PXT1: variants seen among roughly 807,000 people sequenced by gnomAD.
PXT1 encodes the protein peroxisomal testis enriched protein 1.
Under a neutral mutation model 11.0 loss-of-function variants are expected in PXT1, and 11 were observed. The observed-to-expected ratio is 1.00, with a 90% CI of 0.63 to 1.66. PXT1 has a LOEUF of 1.66. PXT1 is among the 40% of genes most tolerant of loss of function. The probability of loss-of-function intolerance (pLI) is 0.00; values close to 1 mark genes in which losing one functional copy is unlikely to be tolerated. For missense variants in PXT1, 141 were observed against 155.5 expected, an observed-to-expected ratio of 0.91 and a Z score of 0.49; for synonymous variants, 43 against 51.4, an observed-to-expected ratio of 0.84 and a Z score of 0.70.
At chr6:36,421,827 T>C (rs1452762498) in intron 3 of PXT1, among the ~76,000 whole-genome samples, 2 of 152,208 alleles carry the variant, frequency 1.3e-5, no homozygotes, top group African/African-American at 4.8e-5. Context: ...TTTCAACTGA[T>C]TGGTCCAACC....
At chr6:36,442,228 C>T (rs1382897567) in intron 1 of PXT1, among the ~76,000 whole-genome samples, 1 of 152,060 alleles carries the variant, frequency 6.6e-6, no homozygotes, top group Non-Finnish European at 1.5e-5. Context: ...AGGGTTTCAT[C>T]ATGTTGGCCA....
chr6:36,433,167 AAGAATCAC>A (rs145097662), intron 2 of PXT1, among the ~76,000 whole-genome samples: 2,082 of 152,262 alleles, frequency 0.014, 43 homozygotes, highest in African/African-American at 0.045. Flanking sequence ...CAGGGGGGAA[AAGAATCAC>A]AGAAAACTGA....
intron 2 of PXT1, among the ~76,000 whole-genome samples, chr6:36,428,836 A>G (rs1277953650): frequency 2.0e-5 from 3 of 151,618 alleles, no homozygotes; most frequent in African/African-American, 7.3e-5. Context: ...CTGTATTTTT[A>G]GTAGAGACGG....
At chr6:36,439,527 C>T (rs543174687) in intron 1 of PXT1, among the ~76,000 whole-genome samples, 2 of 151,182 alleles carry the variant, frequency 1.3e-5, no homozygotes, top group South Asian at 2.1e-4. Context: ...GTAGGATAAT[C>T]GCTTGAATCC....
At chr6:36,406,540 T>A (rs1174457734) in intron 3 of PXT1, among the ~76,000 whole-genome samples, 1 of 152,016 alleles carries the variant, frequency 6.6e-6, no homozygotes, top group Non-Finnish European at 1.5e-5. Flanking sequence ...AGGTCGGGTG[T>A]GGTGGCTCAC....
rs371908793 is a variant in PXT1, at chr6:36,432,929, GA to G, written c.-10+5837del. On this transcript the variant is annotated intron_variant, in intron 2 of 4. Transcript: ENST00000454782. ...ATAACCAGGTTCTACTCTCTAGCAG[GA>G]AAAAAAAAAAAAGGTACTTCTTAGG... Among the ~76,000 whole-genome samples, 1,173 of 139,690 alleles carry G rather than the reference GA, an allele frequency of 8.4e-3. 6 individuals carry two copies. The highest frequency in any genetic ancestry group is 0.025 in the African/African-American group (940 of 38,290). The allele number at this position is 139,690 out of a possible 152,430, so 91.6% of individuals were successfully genotyped here.
At chr6:36,427,571 A>G (rs565293987) in intron 2 of PXT1, among the ~76,000 whole-genome samples, 66 of 152,342 alleles carry the variant, frequency 4.3e-4, no homozygotes, top group Middle Eastern at 3.4e-3. Context: ...TTTAATAAGT[A>G]AAAAGAAATG....
chr6:36,411,143 A>C (rs1774367812), intron 3 of PXT1, among the ~76,000 whole-genome samples: 1 of 152,188 alleles, frequency 6.6e-6, no homozygotes, highest in African/African-American at 2.4e-5. Context: ...AATTGATGGA[A>C]TATTGAACTT....
chr6:36,390,661 C>T lies in PXT1; in HGVS notation c.*1109G>A, dbSNP rs545266891. On this transcript the variant is annotated 3_prime_UTR_variant, in exon 5 of 5. Transcript: ENST00000454782. ...TATGTAAACTTTTAATTTATAACAA[C>T]AAGCTTTCCTAATATTTATAATTCT... The T allele has an allele frequency of 3.6e-4, 55 of 152,288 alleles. No individual in the cohort carries two copies. The highest frequency in any genetic ancestry group is 1.2e-3 in the African/African-American group (48 of 41,556). 9.4% of individuals were successfully genotyped at this position (152,288 alleles called of 1,614,324 possible).
At chr6:36,426,883 C>T (rs1477441707) in intron 2 of PXT1, among the ~76,000 whole-genome samples, 1 of 152,130 alleles carries the variant, frequency 6.6e-6, no homozygotes, top group Non-Finnish European at 1.5e-5. Flanking sequence ...CTCTTTGATC[C>T]TTCATACACA....
intron 3 of PXT1, among the ~76,000 whole-genome samples, chr6:36,403,950 C>A (rs1029229617): frequency 1.3e-5 from 2 of 152,140 alleles, no homozygotes; most frequent in African/African-American, 4.8e-5. Context: ...GGATGTAGAA[C>A]TTAAGATAAA....
At chr6:36,395,584 C>T (rs896724994) in intron 4 of PXT1, among the ~76,000 whole-genome samples, 1 of 146,578 alleles carries the variant, frequency 6.8e-6, no homozygotes, top group South Asian at 2.1e-4. Flanking sequence ...CTCACTGCAG[C>T]CTTGACTTCC....
chr6:36,423,199 G>A (rs1582265647), intron 3 of PXT1, among the ~76,000 whole-genome samples: 1 of 152,234 alleles, frequency 6.6e-6, no homozygotes. Context: ...GCCCCGGACA[G>A]AAGCCACTGA....
At chr6:36,440,588 A>C (rs1774843791) in intron 1 of PXT1, among the ~76,000 whole-genome samples, 1 of 152,122 alleles carries the variant, frequency 6.6e-6, no homozygotes, top group Non-Finnish European at 1.5e-5. Context: ...AAAAAAAAAA[A>C]AGAAGAAGGT....
chr6:36,418,653 C>T (rs772813607), intron 3 of PXT1, among the ~76,000 whole-genome samples: 5 of 152,232 alleles, frequency 3.3e-5, no homozygotes, highest in Non-Finnish European at 5.9e-5. Context: ...GTGGAAAAGG[C>T]AGCCACCTAC....
In PXT1 at chr6:36,391,857, G is replaced by A; in HGVS notation, c.318C>T (p.Gly106=). Residue 106 remains glycine, a synonymous_variant, in exon 5 of 5, where the codon GGC becomes GGT. Coordinates refer to ENST00000454782, the MANE Select transcript of PXT1 (RefSeq NM_152990.4). ...RMVREDLQQD[G]RDALDHFVFF... ...AGACAAAATGATCTAGTGCATCTCT[G>A]CCATCCTGTTGAAGATCCTATTTGA... The A allele has an allele frequency of 6.2e-7, 1 of 1,610,552 alleles. No individual in the cohort carries two copies. The highest frequency in any genetic ancestry group is 8.5e-7 in the Non-Finnish European group (1 of 1,177,890).
At chr6:36,393,433 T>G (rs1002759993) in intron 4 of PXT1, 1 of 152,890 alleles carries the variant, frequency 6.5e-6, no homozygotes, top group Admixed American at 6.5e-5. Flanking sequence ...CCACACTTCT[T>G]TCAAGGTTTT....
At chr6:36,438,113 C>G (rs1774794306) in intron 2 of PXT1, among the ~76,000 whole-genome samples, 1 of 152,142 alleles carries the variant, frequency 6.6e-6, no homozygotes, top group Non-Finnish European at 1.5e-5. Context: ...AGCCACCGAG[C>G]CCGGCCTATT....
chr6:36,393,280 T>G (rs1774096160), intron 4 of PXT1, among the ~76,000 whole-genome samples: 1 of 152,166 alleles, frequency 6.6e-6, no homozygotes, highest in Non-Finnish European at 1.5e-5. Flanking sequence ...CCATATCTTT[T>G]ATGACCTTCT....
Sources: gnomAD v4.1 joint callset for allele counts (sites outside exome capture counted in the v4.1 genomes callset) on GRCh38, gnomAD v4.1.1 for gene constraint, MANE v1.5 for transcripts, NCBI Gene and HGNC (gene_info 2026-07-23, HGNC 2026-07-21) for gene names.